Variants in ABCC1 observed in about 807,000 individuals in gnomAD.
ABCC1 encodes ATP binding cassette subfamily C member 1 (ABCC1 blood group).
ABCC1 carries 83 observed loss-of-function variants against 172.9 expected under a neutral mutation model. The ratio of observed to expected loss-of-function variants is 0.48; its 90% CI spans 0.40 to 0.58. ABCC1 has a LOEUF of 0.58. Among genes scored for constraint, ABCC1 ranks in the 20% least tolerant of loss-of-function variants. ABCC1 has a pLI of 0.00. For missense variants in ABCC1, 1,817 were observed against 2,002.7 expected (o/e 0.91, Z 1.77); for synonymous variants, 937 against 825.2 (o/e 1.14, Z -2.32).
rs1267318486 is a variant in ABCC1, at chr16:16,111,289, G to A, written c.2872-86G>A. The A allele has an allele frequency of 3.6e-6, 4 of 1,122,424 alleles. No individual in the cohort carries two copies. In the African/African-American group the frequency reaches 4.7e-5, roughly 13 times the overall value. The allele number at this position is 1,122,424 out of a possible 1,614,324, so 69.5% of individuals were successfully genotyped here. ...AAGGCAGGCAGCTGGGTGGCACAGT[G>A]CTGGTGAAGCCCCCGACCTTGTGGG... On this transcript the variant is annotated intron_variant, in intron 21 of 30. Coordinates refer to ENST00000399410, the MANE Select transcript of ABCC1 (RefSeq NM_004996.4).
In ABCC1 at chr16:16,045,854, G is replaced by A. The variant is rs1349829079; in HGVS notation, c.1059G>A (p.Val353=). Residue 353 remains valine (V), a synonymous_variant, in exon 9 of 31, where the codon GTG becomes GTA. Transcript: ENST00000399410. ...PQILKLLIKF[V]NDTKAPDWQG... is the part of the protein sequence containing the mutation. ...TTTGCAGGTTGCTCATCAAGTTCGTGAATGACACGAAGGCCCCAGACTGGC... is the reference window on the plus strand; with the variant it reads ...TTTGCAGGTTGCTCATCAAGTTCGTAAATGACACGAAGGCCCCAGACTGGC... 6.2e-7 allele frequency: 1 copy of A among 1,614,134 alleles called. No individual in the cohort carries two copies. The highest frequency in any genetic ancestry group is 1.7e-5 in the Admixed American group (1 of 60,014).
chr16:16,014,726 A>C lies in ABCC1; in HGVS notation c.489+98A>C, dbSNP rs2047930703. 5 of 1,446,326 alleles carry C rather than the reference A, an allele frequency of 3.5e-6. No homozygotes were observed. In the East Asian group the frequency reaches 1.2e-4, roughly 33 times the overall value. 89.6% of individuals were successfully genotyped at this position (1,446,326 alleles called of 1,614,324 possible). A position where few individuals can be genotyped will look rare whatever the true frequency, so the allele number is the denominator to read the frequency against. On this transcript the variant is annotated intron_variant, in intron 4 of 30. Coordinates refer to ENST00000399410, the MANE Select transcript of ABCC1 (RefSeq NM_004996.4). ...TGTAGAAGTCATGCGTTGCCATGGG[A>C]ACCAGGGGCTGGGTACCACATGCAC...
intron 19 of ABCC1, 85 bp from the exon 20 acceptor site, chr16:16,102,542 A>G: frequency 7.8e-7 from 1 of 1,280,084 alleles, no homozygotes; most frequent in East Asian, 2.5e-5. Context: ...TGGTCTCCTC[A>G]CTGAAGTGGC....
At position 16,135,784 on chromosome 16, in the gene ABCC1, G is replaced by A. The variant is rs186140034; in HGVS notation, c.4126-694G>A. Among the ~76,000 whole-genome samples the A allele has an allele frequency of 2.5e-4, 38 of 152,150 alleles. 1 individual carries two copies. The South Asian group carries it at 4.2e-3, about 17-fold the overall frequency. On this transcript the variant is annotated intron_variant, in intron 28 of 30. Transcript: ENST00000399410. ...ATAAGGATTTTCTAGACCAATCCCC[G>A]CAGGTGGATTCCTTAATATGTTGCC...
chr16:16,141,168 C>T lies in ABCC1; in HGVS notation c.4488-5C>T, dbSNP rs748044356. 5.6e-6 allele frequency: 9 copies of T among 1,613,666 alleles called. No individual in the cohort carries two copies. The Admixed American group carries it at 1.3e-4, about 24-fold the overall frequency. On this transcript the variant is annotated splice_region_variant and splice_polypyrimidine_tract_variant and intron_variant, in intron 30 of 30. Coordinates refer to ENST00000399410, the MANE Select transcript of ABCC1 (RefSeq NM_004996.4). ...CCCCTCATGTCTGTATCCCCTCTCC[C>T]TCAGGGTGATCGTCTTGGACAAAGG...
chr16:16,098,889 C>A (rs181940660), intron 19 of ABCC1: 1 of 1,352,002 alleles, frequency 7.4e-7, no homozygotes, highest in South Asian at 1.1e-5. Flanking sequence ...CAGTGATGGA[C>A]GAGGAGGAAG....
chr16:16,131,406 A>G (rs944452458), intron 26 of ABCC1, among the ~76,000 whole-genome samples: 1 of 152,052 alleles, frequency 6.6e-6, no homozygotes, highest in Non-Finnish European at 1.5e-5. Flanking sequence ...AACACCTACT[A>G]TGTGCTCTGA....
chr16:16,132,331 C>T (rs2045713064), intron 27 of ABCC1, among the ~76,000 whole-genome samples: 1 of 151,618 alleles, frequency 6.6e-6, no homozygotes, highest in African/African-American at 2.4e-5. Context: ...TGCCACTGCA[C>T]CTGGCTAATT....
intron 1 of ABCC1, among the ~76,000 whole-genome samples, chr16:15,997,472 C>T (rs1211730012): frequency 2.0e-5 from 3 of 152,166 alleles, no homozygotes; most frequent in Admixed American, 6.5e-5. Context: ...GACCGGTGAC[C>T]GTGTTCAGGA....
chr16:16,122,076 C>G lies in ABCC1; in HGVS notation c.3492C>G (p.Val1164=), dbSNP rs2045189177. 1.9e-6 allele frequency: 3 copies of G among 1,614,216 alleles called. No homozygotes were observed. The East Asian group carries it at 6.7e-5, about 36-fold the overall frequency. The change falls in exon 24 of 31, where the codon GTC becomes GTG. Residue 1164 remains valine (V), a synonymous_variant. Transcript: ENST00000399410. ...HFNETLLGVS[V]IRAFEEQERF... ...ACGAGACCTTGCTGGGGGTCAGCGT[C>G]ATTCGAGCCTTCGAGGAGCAGGAGC...
At chr16:15,990,816 A>ATTT (rs57111358) in intron 1 of ABCC1, among the ~76,000 whole-genome samples, 11,841 of 117,936 alleles carry the variant, frequency 0.1, 580 homozygotes, top group Middle Eastern at 0.13. Context: ...CGCCCGGCTA[A>ATTT]TTTTTTTTTT....
chr16:16,129,538 TG>T (rs368791740), intron 26 of ABCC1, among the ~76,000 whole-genome samples: 146 of 148,312 alleles, frequency 9.8e-4, no homozygotes, highest in African/African-American at 3.2e-3. Context: ...GGTTTTTTTT[TG>T]TTTTTTTTTT....
intron 1 of ABCC1, among the ~76,000 whole-genome samples, chr16:15,968,639 A>C (rs919254064): frequency 6.6e-6 from 1 of 152,160 alleles, no homozygotes; most frequent in African/African-American, 2.4e-5. Flanking sequence ...AGCCTCCCAA[A>C]GTGCTGGGAT....
intron 1 of ABCC1, among the ~76,000 whole-genome samples, chr16:15,962,626 C>G (rs929341500): frequency 5.3e-5 from 8 of 152,170 alleles, no homozygotes; most frequent in Non-Finnish European, 8.8e-5. Flanking sequence ...TGTCCTTCTT[C>G]ACATGGTGGC....
intron 21 of ABCC1, among the ~76,000 whole-genome samples, 174 bp from the exon 22 acceptor site, chr16:16,111,201 C>T (rs991370183): frequency 3.9e-5 from 6 of 152,124 alleles, no homozygotes; most frequent in Admixed American, 1.3e-4. Flanking sequence ...GCCTGGCCCT[C>T]GACTTTGTTT....
chr16:16,096,017 A>G (rs972276824), intron 19 of ABCC1, among the ~76,000 whole-genome samples: 2 of 152,112 alleles, frequency 1.3e-5, no homozygotes, highest in Non-Finnish European at 2.9e-5. Context: ...GTGTAATGCC[A>G]GGACTTTGGG....
intron 25 of ABCC1, among the ~76,000 whole-genome samples, 172 bp from the exon 26 acceptor site, chr16:16,125,638 G>A (rs556352581): frequency 6.6e-6 from 1 of 151,508 alleles, no homozygotes; most frequent in African/African-American, 2.4e-5. Flanking sequence ...TCGCCACATC[G>A]GCCAGGCTGG....
intron 19 of ABCC1, among the ~76,000 whole-genome samples, chr16:16,101,944 G>T (rs1189755490): frequency 1.3e-5 from 2 of 152,214 alleles, no homozygotes; most frequent in African/African-American, 4.8e-5. Context: ...ATCTGCCAGG[G>T]CTGGGGTCTC....
rs1393433870 is a variant in ABCC1 at position 16,055,545 on chromosome 16, G to A, written c.1474-547G>A. Among the ~76,000 whole-genome samples the A allele has an allele frequency of 7.8e-5, 10 of 128,480 alleles. No individual in the cohort carries two copies. The East Asian group carries it at 1.3e-3, about 17-fold the overall frequency. The allele number at this position is 128,480 out of a possible 152,430, so 84.3% of individuals were successfully genotyped here. On this transcript the variant is annotated intron_variant, in intron 11 of 30. Transcript: ENST00000399410. Reference sequence around the variant, plus strand: ...AGCCTGGGCAAGAGAGCGAGACTCCGTCACAAAAAAAAAAAGAAAAAATAC... The same window carrying A: ...AGCCTGGGCAAGAGAGCGAGACTCCATCACAAAAAAAAAAAGAAAAAATAC...
Sources: allele counts gnomAD v4.1 joint callset (sites outside exome capture counted in the v4.1 genomes callset), GRCh38; gene constraint gnomAD v4.1.1; transcripts MANE v1.5; gene names NCBI Gene and HGNC (gene_info 2026-07-23, HGNC 2026-07-21).